DCDC1: variants seen among roughly 807,000 people sequenced by gnomAD.
DCDC1 encodes doublecortin domain-containing protein 1.
In DCDC1, 200 loss-of-function variants were observed where a neutral mutation model predicts 178.3. The ratio of observed to expected loss-of-function variants is 1.12; its 90% CI spans 1.00 to 1.26. The LOEUF is 1.26. DCDC1 is among the 50% of genes most tolerant of loss of function. The pLI is 0.00. For missense variants in DCDC1, 1,983 were observed against 1,749.2 expected, an observed-to-expected ratio of 1.13 and a Z score of -2.38; for synonymous variants, 690 against 604.8, an observed-to-expected ratio of 1.14 and a Z score of -2.07.
chr11:31,266,887 A>G (rs540160186), intron 7 of DCDC1, among the ~76,000 whole-genome samples: 14 of 152,336 alleles, frequency 9.2e-5, no homozygotes, highest in African/African-American at 2.9e-4. Context: ...TGGTTTATAT[A>G]GTTGCTCTAT....
rs746300328 is a variant in DCDC1 at position 31,307,760 on chromosome 11, C to G, written c.313G>C (p.Asp105His). 7 of 1,613,980 alleles carry G rather than the reference C, an allele frequency of 4.3e-6. No homozygotes were observed. The highest frequency in any genetic ancestry group is 2.7e-5 in the African/African-American group (2 of 74,906). Residue 105 changes from aspartate (D) to histidine (H), a missense_variant, in exon 4 of 39, where the codon GAT (aspartate) becomes CAT (histidine). Asp to His is a moderately conservative substitution (Grantham distance 81). Coordinates refer to ENST00000684477, the MANE Select transcript of DCDC1 (RefSeq NM_001387274.1). ...QDCSTHQTAS[D>H]HSHDEISDLD... ...TCTGATATTTCATCATGGCTGTGAT[C>G]TGATGCTGTTTGATGTGTGGAGCAA...
intron 18 of DCDC1, among the ~76,000 whole-genome samples, chr11:31,066,716 G>C (rs1166466619): frequency 1.3e-5 from 2 of 152,176 alleles, no homozygotes; most frequent in African/African-American, 2.4e-5. Context: ...TTGCCAGTGA[G>C]GACAGAAGAC....
At chr11:31,293,012 C>T (rs1947347498) in intron 6 of DCDC1, among the ~76,000 whole-genome samples, 2 of 152,130 alleles carry the variant, frequency 1.3e-5, no homozygotes, top group South Asian at 4.1e-4. Flanking sequence ...CTTAGTGACA[C>T]TAGATGCACT....
intron 20 of DCDC1, among the ~76,000 whole-genome samples, chr11:31,006,041 T>G (rs908963665): frequency 6.6e-6 from 1 of 151,232 alleles, no homozygotes; most frequent in African/African-American, 2.4e-5. Context: ...AACCTTTCAG[T>G]GTTTCCATTT....
intron 22 of DCDC1, among the ~76,000 whole-genome samples, chr11:30,928,501 A>G (rs906158061): frequency 8.3e-5 from 10 of 120,516 alleles, no homozygotes; most frequent in Non-Finnish European, 1.8e-4. Context: ...AAGTTGCTAT[A>G]AATTGTGAAA....
At chr11:31,166,985 T>A (rs1331178056) in intron 9 of DCDC1, among the ~76,000 whole-genome samples, 2 of 152,162 alleles carry the variant, frequency 1.3e-5, no homozygotes, top group Non-Finnish European at 2.9e-5. Context: ...TGCTAGCAAT[T>A]GTCTCCCTCC....
chr11:31,102,183 C>A lies in DCDC1; in HGVS notation c.1977G>T (p.Gln659His). 1 of 713,534 alleles carries A rather than the reference C, an allele frequency of 1.4e-6. No homozygotes were observed. The highest frequency in any genetic ancestry group is 1.7e-5 in the African/African-American group (1 of 58,520). The allele number at this position is 713,534 out of a possible 1,614,324, so 44.2% of individuals were successfully genotyped here. ...ACAATAACTAAAATCCCACCTTGTT[C>A]TGTAGAAAATGGTTCTCCAAGTCCA... is the stretch of plus-strand genomic sequence containing the variant. ...EKVDLENHFL[Q>H]NKVDPNIVLH... Residue 659 changes from glutamine (Q) to histidine (H), a missense_variant, in exon 15 of 39, where the codon CAG (glutamine) becomes CAT (histidine). By Grantham distance (24) the Gln-to-His change is conservative (BLOSUM62 0). Coordinates refer to ENST00000684477, the MANE Select transcript of DCDC1 (RefSeq NM_001387274.1).
chr11:31,365,250 T>C (rs1249797180), intron 1 of DCDC1, among the ~76,000 whole-genome samples: 2 of 152,176 alleles, frequency 1.3e-5, no homozygotes, highest in Non-Finnish European at 2.9e-5. Flanking sequence ...TCATTGACTT[T>C]TAAAAATCAA....
chr11:31,261,692 A>G (rs1483338305), intron 8 of DCDC1, among the ~76,000 whole-genome samples: 2 of 151,994 alleles, frequency 1.3e-5, no homozygotes, highest in Non-Finnish European at 2.9e-5. Context: ...AGTATGGGGG[A>G]GGCCTCCAGT....
At chr11:30,970,083 G>T (rs781188004) in intron 20 of DCDC1, among the ~76,000 whole-genome samples, 5 of 152,174 alleles carry the variant, frequency 3.3e-5, no homozygotes, top group Non-Finnish European at 5.9e-5. Context: ...GGATAGAATG[G>T]GAATCTGGAG....
intron 9 of DCDC1, among the ~76,000 whole-genome samples, chr11:31,190,871 C>T (rs1228157678): frequency 6.6e-6 from 1 of 151,864 alleles, no homozygotes; most frequent in African/African-American, 2.4e-5. Context: ...CATTTTTCTA[C>T]TTTCCATCTA....
intron 9 of DCDC1, among the ~76,000 whole-genome samples, chr11:31,200,865 A>G (rs1033189305): frequency 2.0e-5 from 3 of 151,982 alleles, no homozygotes; most frequent in African/African-American, 7.2e-5. Context: ...TTGCATGTTC[A>G]CATTTTTATG....
chr11:30,892,928 C>A lies in DCDC1; in HGVS notation c.4972G>T (p.Val1658Phe). ...TGCTTATACAGGTTGCTCGGCTTGA[C>A]TGCTATACGTTTGGTTGCAATTGGA... Reference protein sequence around the residue: ...NFPIATKRIAVKPSNLYKQPN... With the variant: ...NFPIATKRIAFKPSNLYKQPN... Residue 1658 changes from valine (V) to phenylalanine (F), a missense_variant, in exon 36 of 39, where the codon GTC becomes TTC. Coordinates refer to ENST00000684477, the MANE Select transcript of DCDC1 (RefSeq NM_001387274.1). 6.2e-7 allele frequency: 1 copy of A among 1,613,980 alleles called. No homozygotes were observed. The highest frequency in any genetic ancestry group is 8.5e-7 in the Non-Finnish European group (1 of 1,179,860).
At chr11:31,028,281 T>C (rs1205004623) in intron 20 of DCDC1, among the ~76,000 whole-genome samples, 1 of 151,906 alleles carries the variant, frequency 6.6e-6, no homozygotes, top group Non-Finnish European at 1.5e-5. Flanking sequence ...CCCTCTTGTA[T>C]ATTATCCAAA....
chr11:31,039,477 C>T (rs1208909579), intron 20 of DCDC1, among the ~76,000 whole-genome samples: 1 of 152,102 alleles, frequency 6.6e-6, no homozygotes, highest in African/African-American at 2.4e-5. Flanking sequence ...CATTCTCAGT[C>T]ACTAATTTGT....
intron 9 of DCDC1, among the ~76,000 whole-genome samples, chr11:31,189,788 C>A (rs1272936994): frequency 6.6e-6 from 1 of 152,182 alleles, no homozygotes; most frequent in Non-Finnish European, 1.5e-5. Context: ...TGTGATTACA[C>A]AGGGCCCTCA....
In DCDC1 at chr11:31,357,758, G is replaced by A. The variant is rs376400472; in HGVS notation, c.-125+11939C>T. ...AGCAAAGTCTCAGGATACAAAATCA[G>A]TGTACAAAAATCACAAGCATTCTTA... On this transcript the variant is annotated intron_variant, in intron 1 of 38. Transcript: ENST00000684477. Among the ~76,000 whole-genome samples the A allele has an allele frequency of 1.1e-4, 17 of 151,890 alleles. No individual in the cohort carries two copies. In the South Asian group the frequency reaches 2.9e-3, roughly 26 times the overall value.
intron 20 of DCDC1, among the ~76,000 whole-genome samples, chr11:30,980,285 T>C (rs1010444587): frequency 1.3e-5 from 2 of 152,170 alleles, no homozygotes; most frequent in African/African-American, 2.4e-5. Flanking sequence ...CTTCACTCAG[T>C]GGGCAATGAG....
chr11:31,204,901 C>G (rs1971698338), intron 9 of DCDC1, among the ~76,000 whole-genome samples: 1 of 152,082 alleles, frequency 6.6e-6, no homozygotes, highest in Non-Finnish European at 1.5e-5. Context: ...GCAGGAGAAC[C>G]TAACATTTCT....
Sources: gnomAD v4.1 joint callset for allele counts (sites outside exome capture counted in the v4.1 genomes callset) on GRCh38, gnomAD v4.1.1 for gene constraint, MANE v1.5 for transcripts, NCBI Gene and HGNC (gene_info 2026-07-23, HGNC 2026-07-21) for gene names.